The following SKIL variants were observed in gnomAD, a reference collection of about 807,000 sequenced individuals.
SKIL encodes the protein SKI like proto-oncogene.
Under a neutral mutation model 69.6 loss-of-function variants are expected in SKIL, and 20 were observed. The ratio of observed to expected loss-of-function variants is 0.29; its 90% CI spans 0.20 to 0.42. SKIL has a LOEUF of 0.42. Ranked by LOEUF, SKIL falls within the 10% of genes least tolerant of loss-of-function variation. The pLI, the probability that SKIL is intolerant of heterozygous loss-of-function variation, is 1.00. For synonymous variants in SKIL, 310 were observed against 279.9 expected (o/e 1.11, Z -1.08); for missense variants, 745 against 783.1 (o/e 0.95, Z 0.58).
intron 2 of SKIL, among the ~76,000 whole-genome samples, chr3:170,375,238 T>A (rs1736976807): frequency 6.6e-6 from 1 of 152,206 alleles, no homozygotes; most frequent in Non-Finnish European, 1.5e-5. Flanking sequence ...CTTACTGGGT[T>A]GGTCAAGACT....
chr3:170,394,704 A>G lies in SKIL; in HGVS notation c.*2287A>G, dbSNP rs1232714835. ...TGACATTGTATCGTCTTCATTTTCCAGAAGATGCGTTGGTGTGCCATAGGT... is the reference window on the plus strand; with the variant it reads ...TGACATTGTATCGTCTTCATTTTCCGGAAGATGCGTTGGTGTGCCATAGGT... On this transcript the variant is annotated 3_prime_UTR_variant, in exon 7 of 7. Transcript: ENST00000259119. The G allele has an allele frequency of 6.6e-6, 1 of 152,208 alleles. No homozygotes were observed. Among genetic ancestry groups the G allele is most frequent in the African/African-American group, 2.4e-5 (1 of 41,468 alleles). 9.4% of individuals were successfully genotyped at this position (152,208 alleles called of 1,614,324 possible).
chr3:170,381,032 C>G (rs1205582775), intron 2 of SKIL, among the ~76,000 whole-genome samples: 2 of 145,888 alleles, frequency 1.4e-5, no homozygotes, highest in Non-Finnish European at 3.0e-5. Context: ...CTGGGTCTTC[C>G]TATGTTGCCC....
At position 170,377,251 on chromosome 3, in the gene SKIL, T is replaced by C. The variant is rs553558931; in HGVS notation, c.1099-3993T>C. On this transcript the variant is annotated intron_variant, in intron 2 of 6. Transcript: ENST00000259119. ...GTTTCGTTTTCTGTTTTCCTTTTTTTTTTTGAGATGGAGTTGCACTTTGTT... is the reference window on the plus strand; with the variant it reads ...GTTTCGTTTTCTGTTTTCCTTTTTTCTTTTGAGATGGAGTTGCACTTTGTT... Among the ~76,000 whole-genome samples the C allele has an allele frequency of 3.3e-5, 5 of 152,130 alleles. No homozygotes were observed. The South Asian group carries it at 1.0e-3, about 32-fold the overall frequency.
chr3:170,376,688 G>T (rs937625996), intron 2 of SKIL, among the ~76,000 whole-genome samples: 1 of 151,988 alleles, frequency 6.6e-6, no homozygotes, highest in African/African-American at 2.4e-5. Flanking sequence ...TGATCCTCCT[G>T]CCTTAGCCTC....
At chr3:170,388,604 TG>T (rs1737763256) in intron 4 of SKIL, among the ~76,000 whole-genome samples, 1 of 151,924 alleles carries the variant, frequency 6.6e-6, no homozygotes, top group African/African-American at 2.4e-5. Flanking sequence ...GGCTAATTTT[TG>T]TATTTTTGGT....
Position 170,392,904 on chromosome 3 carries a change from A to G in SKIL, c.*487A>G, listed in dbSNP as rs1490688558. 1 of 152,222 alleles carries G rather than the reference A, an allele frequency of 6.6e-6. No individual in the cohort carries two copies. The highest frequency in any genetic ancestry group is 1.5e-5 in the Non-Finnish European group (1 of 68,056). The allele number at this position is 152,222 out of a possible 1,614,324, so 9.4% of individuals were successfully genotyped here. A position where few individuals can be genotyped will look rare whatever the true frequency, so the allele number is the denominator to read the frequency against. On this transcript the variant is annotated 3_prime_UTR_variant, in exon 7 of 7. Coordinates refer to ENST00000259119, the MANE Select transcript of SKIL (RefSeq NM_005414.5). ...GTTGATATGGTGTACTCATTAACAT[A>G]CACCAAATTTACTTTTACTTTGTTC...
At position 170,390,298 on chromosome 3, in the gene SKIL, A is replaced by G. The variant is rs551044831; in HGVS notation, c.1505A>G (p.Asn502Ser). The G allele has an allele frequency of 6.2e-7, 1 of 1,613,918 alleles. No homozygotes were observed. Among genetic ancestry groups the G allele is most frequent in the African/African-American group, 1.3e-5 (1 of 75,054 alleles). Residue 502 changes from asparagine to serine, a missense_variant, in exon 5 of 7, where the codon AAC becomes AGC. Coordinates refer to ENST00000259119, the MANE Select transcript of SKIL (RefSeq NM_005414.5). ...ACTTGCAACTTAGTCAGAGACATAA[A>G]CAAAGTGGGAATTGGCCTTGTTGCT... ...SATCNLVRDI[N>S]KVGIGLVAAA... is the part of the protein sequence containing the mutation.
In SKIL at chr3:170,379,690, C is replaced by T. The variant is rs143739665; in HGVS notation, c.1099-1554C>T. 9.5e-4 allele frequency among the ~76,000 whole-genome samples: 144 copies of T among 152,202 alleles called. 3 individuals carry two copies. In the East Asian group the frequency reaches 0.022, roughly 23 times the overall value. Reference sequence around the variant, plus strand: ...GACGATTCTTGCTCTGTTGCCCAGGCTGGAGTGCAGTGGCATGATCTTGGC... The same window carrying T: ...GACGATTCTTGCTCTGTTGCCCAGGTTGGAGTGCAGTGGCATGATCTTGGC... On this transcript the variant is annotated intron_variant, in intron 2 of 6. Coordinates refer to ENST00000259119, the MANE Select transcript of SKIL (RefSeq NM_005414.5).
In SKIL at chr3:170,357,742, A is replaced by G. The variant is rs1293906106; in HGVS notation, c.-655A>G. ...AGCCGAAGGGAGCGGGCGAGCGGCG[A>G]CGGCGGCGGCGGCGGGCACAGGTGC... On this transcript the variant is annotated 5_prime_UTR_variant, in exon 1 of 7. Coordinates refer to ENST00000259119, the MANE Select transcript of SKIL (RefSeq NM_005414.5). 100 of 162,756 alleles carry G rather than the reference A, an allele frequency of 6.1e-4. 1 individual carries two copies. Among genetic ancestry groups the G allele is most frequent in the Non-Finnish European group, 9.3e-4 (73 of 78,446 alleles). The allele number at this position is 162,756 out of a possible 1,614,324, so 10.1% of individuals were successfully genotyped here.
At chr3:170,374,298 T>C (rs1271002049) in intron 2 of SKIL, among the ~76,000 whole-genome samples, 2 of 152,168 alleles carry the variant, frequency 1.3e-5, no homozygotes, top group African/African-American at 4.8e-5. Context: ...TTTTTGTGTC[T>C]GAAATTTTGC....
intron 3 of SKIL, among the ~76,000 whole-genome samples, chr3:170,384,196 T>A (rs866971974): frequency 1.3e-5 from 2 of 151,670 alleles, no homozygotes; most frequent in African/African-American, 4.8e-5. Flanking sequence ...TAAAAAAAAA[T>A]GGGTATGTGT....
rs1430414753 is a variant in SKIL, at chr3:170,393,513, G to T, written c.*1096G>T. The T allele has an allele frequency of 1.3e-5, 2 of 152,102 alleles. No individual in the cohort carries two copies. Among genetic ancestry groups the T allele is most frequent in the Non-Finnish European group, 2.9e-5 (2 of 67,990 alleles). 9.4% of individuals were successfully genotyped at this position (152,102 alleles called of 1,614,324 possible). Reference sequence around the variant, plus strand: ...ACAGTTTAGTTACCTGCTACTAAAAGATTTTTAGATAAGTTTTAGAAGATA... The same window carrying T: ...ACAGTTTAGTTACCTGCTACTAAAATATTTTTAGATAAGTTTTAGAAGATA... On this transcript the variant is annotated 3_prime_UTR_variant, in exon 7 of 7. Transcript: ENST00000259119.
chr3:170,361,366 G>A lies in SKIL; in HGVS notation c.1035G>A (p.Lys345=), dbSNP rs1286478475. 1.2e-6 allele frequency: 2 copies of A among 1,606,482 alleles called. No individual in the cohort carries two copies. Among genetic ancestry groups the A allele is most frequent in the African/African-American group, 2.7e-5 (2 of 74,432 alleles). ...GAACACCTGAAGAAAAGAAACTGAA[G>A]ATAATTTTAGAAGAAATGAAGGAGA... ...YLGTPEEKKL[K]IILEEMKEKF... Residue 345 remains lysine, a synonymous_variant, in exon 2 of 7, where the codon AAG becomes AAA. Coordinates refer to ENST00000259119, the MANE Select transcript of SKIL (RefSeq NM_005414.5).
chr3:170,386,188 C>T (rs754595683), intron 4 of SKIL, among the ~76,000 whole-genome samples: 7 of 151,542 alleles, frequency 4.6e-5, no homozygotes, highest in African/African-American at 1.7e-4. Flanking sequence ...TAGAGTGCAA[C>T]GGTGTGATCT....
intron 2 of SKIL, among the ~76,000 whole-genome samples, chr3:170,370,320 A>G (rs113678577): frequency 2.6e-5 from 4 of 152,160 alleles, no homozygotes; most frequent in African/African-American, 9.6e-5. Context: ...TAGGAAAGAT[A>G]TAAAATTAGT....
At chr3:170,361,745 T>C (rs1396563978) in intron 2 of SKIL, among the ~76,000 whole-genome samples, 1 of 146,244 alleles carries the variant, frequency 6.8e-6, no homozygotes, top group East Asian at 2.0e-4. Flanking sequence ...AGGGCTTCTT[T>C]TTTTTTTTTT....
At chr3:170,384,826 T>C (rs79718249) in intron 4 of SKIL, 61 bp downstream of exon 4, 12,808 of 880,104 alleles carry the variant, frequency 0.015, 130 homozygotes, top group Non-Finnish European at 0.019. Context: ...TTATTGAGCA[T>C]TTTCAAACAG....
rs1273285421 is a variant in SKIL, at chr3:170,361,098, A to G, written c.767A>G (p.Lys256Arg). Residue 256 changes from lysine to arginine, a missense_variant, in exon 2 of 7, where the codon AAG (lysine) becomes AGG (arginine). Physicochemically the swap from Lys to Arg is conservative, Grantham distance 26. Coordinates refer to ENST00000259119, the MANE Select transcript of SKIL (RefSeq NM_005414.5). ...GCTAAAAGCTCATTGGCCCAGTTAA[A>G]GGAAACTGGCAGTGCCTTTGAAGTG... ...LPAKSSLAQL[K>R]ETGSAFEVEH... is the part of the protein sequence containing the mutation. 1.2e-6 allele frequency: 2 copies of G among 1,614,268 alleles called. No individual in the cohort carries two copies. Among genetic ancestry groups the G allele is most frequent in the Admixed American group, 3.3e-5 (2 of 60,024 alleles).
rs138850015 is a variant in SKIL, at chr3:170,379,855, G to A, written c.1099-1389G>A. ...GATGGGGTTTTGCCACGTTGGCCAT[G>A]CTGGTCTCGAACTCCTGACCTCAGG... On this transcript the variant is annotated intron_variant, in intron 2 of 6. Transcript: ENST00000259119. Among the ~76,000 whole-genome samples, 124 of 152,238 alleles carry A rather than the reference G, an allele frequency of 8.1e-4. No individual in the cohort carries two copies. The East Asian group carries it at 0.021, about 26-fold the overall frequency.
Sources: gnomAD v4.1 joint callset for allele counts (sites outside exome capture counted in the v4.1 genomes callset) on GRCh38, gnomAD v4.1.1 for gene constraint, MANE v1.5 for transcripts, NCBI Gene and HGNC (gene_info 2026-07-23, HGNC 2026-07-21) for gene names.